Variants in BAHCC1 observed in about 807,000 individuals in gnomAD.
BAHCC1 encodes BAH domain and coiled-coil containing 1.
In BAHCC1, 43 loss-of-function variants were observed where a neutral mutation model predicts 88.2. That is an observed-to-expected ratio of 0.49 (90% CI 0.38 to 0.63). The LOEUF (loss-of-function observed/expected upper bound fraction) is 0.63, where lower values mean the gene tolerates loss of function less well. Among genes scored for constraint, BAHCC1 ranks in the 20% least tolerant of loss-of-function variants. The probability of loss-of-function intolerance (pLI) is 0.00; values close to 1 mark genes in which losing one functional copy is unlikely to be tolerated. For missense variants in BAHCC1, 3,023 were observed against 1,654.8 expected (o/e 1.83, Z -14.34); for synonymous variants, 1,510 against 745.5 (o/e 2.03, Z -16.71).
chr17:81,444,242 G>A, intron 6 of BAHCC1, 139 bp from the exon 7 acceptor site: 1 of 617,964 alleles, frequency 1.6e-6, no homozygotes, highest in Non-Finnish European at 2.9e-6. Context: ...GTTGATGGCA[G>A]GGGGTGGGAC....
At chr17:81,401,499 C>G (rs2063816425) in intron 2 of BAHCC1, 1 of 152,710 alleles carries the variant, frequency 6.5e-6, no homozygotes, top group African/African-American at 2.4e-5. Flanking sequence ...CTGTGGTTAT[C>G]AAGCTTGTCT....
chr17:81,446,207 A>G (rs1555654284), intron 10 of BAHCC1, among the ~76,000 whole-genome samples: 12 of 152,188 alleles, frequency 7.9e-5, no homozygotes. Flanking sequence ...TGTGGCGAAC[A>G]TAAAACCCGT....
At position 81,463,731 on chromosome 17, in the gene BAHCC1, C is replaced by T. The variant is rs1028344649; in HGVS notation, c.7741C>T (p.Arg2581Trp). 16 of 778,958 alleles carry T rather than the reference C, an allele frequency of 2.1e-5. No homozygotes were observed. The highest frequency in any genetic ancestry group is 2.2e-4 in the Middle Eastern group (1 of 4,462). 48.3% of individuals were successfully genotyped at this position (778,958 alleles called of 1,614,324 possible). A position where few individuals can be genotyped will look rare whatever the true frequency, so the allele number is the denominator to read the frequency against. The change falls in exon 28 of 28, where the codon CGG (arginine) becomes TGG (tryptophan). Residue 2581 changes from arginine to tryptophan, a missense_variant. Coordinates refer to ENST00000675386, the MANE Select transcript of BAHCC1 (RefSeq NM_001377448.1). ...QMARSRKCQD[R>W]QDLYYLAGTY... Reference sequence around the variant, plus strand: ...GGCCCGGAGCCGCAAGTGCCAGGACCGGCAGGACCTCTACTACCTGGCGGG... The same window carrying T: ...GGCCCGGAGCCGCAAGTGCCAGGACTGGCAGGACCTCTACTACCTGGCGGG...
rs552045714 is a variant in BAHCC1, at chr17:81,465,418, C to T, written c.*1601C>T. 6.6e-6 allele frequency: 1 copy of T among 152,468 alleles called. No homozygotes were observed. The highest frequency in any genetic ancestry group is 1.9e-4 in the East Asian group (1 of 5,190). The allele number at this position is 152,468 out of a possible 1,614,324, so 9.4% of individuals were successfully genotyped here. The stretch of plus-strand genomic sequence containing the variant: ...GTATCCCCAGGGAATTCACACCCCT[C>T]CCCTTCTCCCACAGCCAAGGACAGA... On this transcript the variant is annotated 3_prime_UTR_variant, in exon 28 of 28. Coordinates refer to ENST00000675386, the MANE Select transcript of BAHCC1 (RefSeq NM_001377448.1).
Position 81,442,807 on chromosome 17 carries a change from C to A in BAHCC1, c.1458C>A (p.Ser486Arg), listed in dbSNP as rs546281324. 1 of 779,604 alleles carries A rather than the reference C, an allele frequency of 1.3e-6. No homozygotes were observed. Among genetic ancestry groups the A allele is most frequent in the Non-Finnish European group, 2.4e-6 (1 of 417,930 alleles). The allele number at this position is 779,604 out of a possible 1,614,324, so 48.3% of individuals were successfully genotyped here. A position where few individuals can be genotyped will look rare whatever the true frequency, so the allele number is the denominator to read the frequency against. The change falls in exon 5 of 28, where the codon AGC becomes AGA. Residue 486 changes from serine (S) to arginine (R), a missense_variant. Coordinates refer to ENST00000675386, the MANE Select transcript of BAHCC1 (RefSeq NM_001377448.1). ...CCTCCTTCCCCGGACTCCCTAAAAG[C>A]GGTCTGGACAAAAGCGGCTACTTCG... The part of the protein sequence containing the change: ...PEASFPGLPK[S>R]GLDKSGYFEL...
At position 81,443,340 on chromosome 17, in the gene BAHCC1, A is replaced by G. The variant is rs782151772; in HGVS notation, c.1991A>G (p.Gln664Arg). 1.3e-6 allele frequency: 1 copy of G among 779,046 alleles called. No homozygotes were observed. Among genetic ancestry groups the G allele is most frequent in the Admixed American group, 1.7e-5 (1 of 58,992 alleles). 48.3% of individuals were successfully genotyped at this position (779,046 alleles called of 1,614,324 possible). A position where few individuals can be genotyped will look rare whatever the true frequency, so the allele number is the denominator to read the frequency against. ...GLGGLKASCI[Q>R]QEAKFLSSKG... is the part of the protein sequence containing the mutation. ...GGTGGCCTCAAGGCCAGCTGCATCC[A>G]GCAGGAAGCAAAGTTCCTGTCCTCT... Residue 664 changes from glutamine to arginine, a missense_variant, in exon 5 of 28, where the codon CAG becomes CGG. Transcript: ENST00000675386.
In BAHCC1 at chr17:81,442,617, G is replaced by C. The variant is rs200268922; in HGVS notation, c.1268G>C (p.Arg423Pro). ...ACAVAGEGKDRHLEGTMAPDH... is the reference protein window; with the variant it reads ...ACAVAGEGKDPHLEGTMAPDH... ...GCCGTGGCAGGGGAGGGCAAGGACC[G>C]GCACCTGGAGGGAACCATGGCCCCC... The change falls in exon 5 of 28, where the codon CGG becomes CCG. Residue 423 changes from arginine (R) to proline (P), a missense_variant. Physicochemically the swap from Arg to Pro is moderately radical, Grantham distance 103 (BLOSUM62 -2). Coordinates refer to ENST00000675386, the MANE Select transcript of BAHCC1 (RefSeq NM_001377448.1). 1 of 776,136 alleles carries C rather than the reference G, an allele frequency of 1.3e-6. No homozygotes were observed. The highest frequency in any genetic ancestry group is 1.7e-5 in the African/African-American group (1 of 59,154). 48.1% of individuals were successfully genotyped at this position (776,136 alleles called of 1,614,324 possible).
At chr17:81,398,691 G>C (rs993313822) in intron 1 of BAHCC1, among the ~76,000 whole-genome samples, 2 of 152,230 alleles carry the variant, frequency 1.3e-5, no homozygotes, top group East Asian at 1.9e-4. Context: ...GATTGTTACA[G>C]CCTCAACAGG....
intron 15 of BAHCC1, chr17:81,456,026 C>T (rs2064742561): frequency 8.0e-6 from 4 of 498,876 alleles, no homozygotes; most frequent in African/African-American, 6.1e-5. Context: ...CCCCACAACC[C>T]ACAGCCACTG....
chr17:81,397,616 C>T (rs1421580355), intron 1 of BAHCC1, among the ~76,000 whole-genome samples: 1 of 152,062 alleles, frequency 6.6e-6, no homozygotes, highest in African/African-American at 2.4e-5. Context: ...GGGCTGGGGG[C>T]CCCCACGTCC....
Position 81,455,222 on chromosome 17 carries a change from G to C in BAHCC1, c.4446-45G>C. 3 of 702,766 alleles carry C rather than the reference G, an allele frequency of 4.3e-6. No homozygotes were observed. In the South Asian group the frequency reaches 4.5e-5, roughly 10 times the overall value. The allele number at this position is 702,766 out of a possible 1,614,324, so 43.5% of individuals were successfully genotyped here. A position where few individuals can be genotyped will look rare whatever the true frequency, so the allele number is the denominator to read the frequency against. ...GACAGTAGGGGGACAAGGCTGGGGC[G>C]GCCGGGCCTGCATCTGCCCTGCACC... On this transcript the variant is annotated intron_variant, in intron 14 of 27. Transcript: ENST00000675386.
In BAHCC1 at chr17:81,457,499, A is replaced by AGTG; in HGVS notation, c.4949_4951dup (p.Ser1650_Val1651insGly). 1 of 762,290 alleles carries AGTG rather than the reference A, an allele frequency of 1.3e-6. No individual in the cohort carries two copies. The highest frequency in any genetic ancestry group is 2.4e-6 in the Non-Finnish European group (1 of 409,810). The allele number at this position is 762,290 out of a possible 1,614,324, so 47.2% of individuals were successfully genotyped here. On this transcript the variant is annotated inframe_insertion, in exon 17 of 28. Transcript: ENST00000675386. The stretch of plus-strand genomic sequence containing the variant: ...AGGGCTGCTGCTGCACACCGGGGCC[A>AGTG]GTGTGGCCGTGCTGGGGCCCTCACC...
In BAHCC1 at chr17:81,461,321, A is replaced by C; in HGVS notation, c.6658A>C (p.Asn2220His). ...LDHEGVTSPK[N>H]KTCKALLMGD... Reference sequence around the variant, plus strand: ...CCACGAGGGTGTGACCTCCCCCAAGAACAAGACCTGCAAGGCGTTGCTCAT... The same window carrying C: ...CCACGAGGGTGTGACCTCCCCCAAGCACAAGACCTGCAAGGCGTTGCTCAT... Residue 2220 changes from asparagine (N) to histidine (H), a missense_variant, in exon 26 of 28, where the codon AAC becomes CAC. By Grantham distance (68) the Asn-to-His change is moderately conservative. Coordinates refer to ENST00000675386, the MANE Select transcript of BAHCC1 (RefSeq NM_001377448.1). 1 of 728,934 alleles carries C rather than the reference A, an allele frequency of 1.4e-6. No homozygotes were observed. The highest frequency in any genetic ancestry group is 2.5e-6 in the Non-Finnish European group (1 of 395,454). 45.2% of individuals were successfully genotyped at this position (728,934 alleles called of 1,614,324 possible). A position where few individuals can be genotyped will look rare whatever the true frequency, so the allele number is the denominator to read the frequency against.
At chr17:81,443,710 A>G in intron 5 of BAHCC1, 99 bp from the exon 6 acceptor site, 7 of 666,022 alleles carry the variant, frequency 1.1e-5, no homozygotes, top group South Asian at 8.3e-5. Context: ...TCCTCAGTGC[A>G]TCAGGCCCCC....
chr17:81,428,088 G>A lies in BAHCC1; in HGVS notation c.358+1109G>A, dbSNP rs962246205. Among the ~76,000 whole-genome samples, 10 of 152,278 alleles carry A rather than the reference G, an allele frequency of 6.6e-5. No homozygotes were observed. In the East Asian group the frequency reaches 1.5e-3, roughly 23 times the overall value. ...CCTCTTCCTGGGTGCAGGGGAGGCC[G>A]CTACCTTGGGATGCGGTGGGCAGCA... On this transcript the variant is annotated intron_variant, in intron 3 of 27. Coordinates refer to ENST00000675386, the MANE Select transcript of BAHCC1 (RefSeq NM_001377448.1).
At chr17:81,439,273 G>T (rs2064379278) in intron 4 of BAHCC1, among the ~76,000 whole-genome samples, 2 of 152,236 alleles carry the variant, frequency 1.3e-5, no homozygotes, top group African/African-American at 4.8e-5. Flanking sequence ...GGTGACACCA[G>T]GAGGCTGGAG....
At chr17:81,459,379 A>G (rs1229839732) in intron 22 of BAHCC1, 51 bp downstream of exon 22, 7 of 763,648 alleles carry the variant, frequency 9.2e-6, no homozygotes, top group Non-Finnish European at 1.7e-5. Flanking sequence ...GGCTTGTCCC[A>G]GGACAAAGGA....
At chr17:81,410,365 G>A (rs1186145683) in intron 2 of BAHCC1, among the ~76,000 whole-genome samples, 1 of 152,238 alleles carries the variant, frequency 6.6e-6, no homozygotes, top group African/African-American at 2.4e-5. Context: ...TGTCCATCGA[G>A]GGATTCTGTG....
rs797026383 is a variant in BAHCC1, at chr17:81,452,083, G to A, written c.4292G>A (p.Arg1431His). ...RYKEKQRELA[R>H]LQRKHDHERD... ...AAGGAGAAGCAGCGGGAGCTGGCCCGCCTGCAGCGCAAGCACGACCATGAG... is the reference window on the plus strand; with the variant it reads ...AAGGAGAAGCAGCGGGAGCTGGCCCACCTGCAGCGCAAGCACGACCATGAG... Residue 1431 changes from arginine (R) to histidine (H), a missense_variant, in exon 13 of 28, where the codon CGC (arginine) becomes CAC (histidine). Arg to His is a conservative substitution (Grantham distance 29, BLOSUM62 0). Transcript: ENST00000675386. The A allele has an allele frequency of 9.5e-6, 6 of 633,952 alleles. No individual in the cohort carries two copies. Among genetic ancestry groups the A allele is most frequent in the East Asian group, 2.7e-5 (1 of 36,590 alleles). The allele number at this position is 633,952 out of a possible 1,614,324, so 39.3% of individuals were successfully genotyped here.
Sources: allele counts gnomAD v4.1 joint callset (sites outside exome capture counted in the v4.1 genomes callset), GRCh38; gene constraint gnomAD v4.1.1; transcripts MANE v1.5; gene names NCBI Gene and HGNC (gene_info 2026-07-23, HGNC 2026-07-21).